Variants in DCN observed in about 807,000 individuals in gnomAD.
The protein encoded by DCN is decorin, also known as bone proteoglycan II.
DCN carries 17 observed loss-of-function variants against 36.5 expected under a neutral mutation model. The observed-to-expected ratio is 0.47, with a 90% CI of 0.32 to 0.70. DCN has a LOEUF of 0.70. Among genes scored for constraint, DCN ranks in the 30% least tolerant of loss-of-function variants. The pLI is 0.04. For missense variants in DCN, 389 were observed against 430.1 expected, an observed-to-expected ratio of 0.90 and a Z score of 0.84; for synonymous variants, 163 against 161.4, an observed-to-expected ratio of 1.01 and a Z score of -0.07.
chr12:91,178,639 G>T, intron 1 of DCN, 54 bp from the exon 2 acceptor site: 1 of 1,074,418 alleles, frequency 9.3e-7, no homozygotes, highest in Non-Finnish European at 1.4e-6. Flanking sequence ...TCTGTGTGTC[G>T]TTTCTTATAT....
At chr12:91,146,859 C>T (rs1881060751) in intron 7 of DCN, among the ~76,000 whole-genome samples, 1 of 152,206 alleles carries the variant, frequency 6.6e-6, no homozygotes, top group Admixed American at 6.5e-5. Context: ...ACAAATCTTG[C>T]TAGCTCAGCC....
intron 3 of DCN, among the ~76,000 whole-genome samples, chr12:91,161,943 A>ATT (rs34042357): frequency 0.017 from 2,392 of 143,022 alleles, 66 homozygotes; most frequent in African/African-American, 0.055. Context: ...TTATCTACCA[A>ATT]TTTTTTTTTT....
chr12:91,162,619 A>G (rs1413491129), intron 3 of DCN, among the ~76,000 whole-genome samples: 1 of 152,240 alleles, frequency 6.6e-6, no homozygotes, highest in Non-Finnish European at 1.5e-5. Context: ...CCCAACATTA[A>G]GAATGTATTC....
chr12:91,167,130 T>C (rs1240061760), intron 2 of DCN, among the ~76,000 whole-genome samples: 2 of 152,162 alleles, frequency 1.3e-5, no homozygotes, highest in Non-Finnish European at 2.9e-5. Context: ...GACTTTTTTT[T>C]CTGGCATACC....
At chr12:91,151,267 A>T in intron 7 of DCN, 1 of 229,002 alleles carries the variant, frequency 4.4e-6, no homozygotes, top group Admixed American at 5.3e-5. Flanking sequence ...AGACCAAAGA[A>T]GCTCTTTCCA....
chr12:91,155,199 T>C (rs906073888), intron 5 of DCN, among the ~76,000 whole-genome samples: 1 of 152,288 alleles, frequency 6.6e-6, no homozygotes, highest in Admixed American at 6.5e-5. Flanking sequence ...TCTCTGCCGC[T>C]TCCTAGCTCT....
Position 91,145,294 on chromosome 12 carries a change from T to C in DCN, c.*764A>G, listed in dbSNP as rs984511373. The C allele has an allele frequency of 1.3e-5, 2 of 152,220 alleles. No homozygotes were observed. The highest frequency in any genetic ancestry group is 4.8e-5 in the African/African-American group (2 of 41,456). The allele number at this position is 152,220 out of a possible 1,614,324, so 9.4% of individuals were successfully genotyped here. A position where few individuals can be genotyped will look rare whatever the true frequency, so the allele number is the denominator to read the frequency against. On this transcript the variant is annotated 3_prime_UTR_variant, in exon 8 of 8. Coordinates refer to ENST00000052754, the MANE Select transcript of DCN (RefSeq NM_001920.5). ...TTTTAATATTTATTTAGCAGAGGGG[T>C]AAATTGAAACATCAGTTCTCTAGAC...
intron 3 of DCN, among the ~76,000 whole-genome samples, chr12:91,163,648 G>C (rs981735397): frequency 6.6e-6 from 1 of 152,140 alleles, no homozygotes; most frequent in African/African-American, 2.4e-5. Context: ...CATTATGATA[G>C]AGTAGAGAGA....
chr12:91,170,473 T>C (rs934138061), intron 2 of DCN, among the ~76,000 whole-genome samples: 4 of 152,210 alleles, frequency 2.6e-5, no homozygotes, highest in African/African-American at 9.7e-5. Flanking sequence ...CCCATGAAGT[T>C]CAGGGCCTTT....
chr12:91,166,663 G>A (rs758029130), intron 2 of DCN, among the ~76,000 whole-genome samples: 5 of 152,046 alleles, frequency 3.3e-5, no homozygotes, highest in Non-Finnish European at 5.9e-5. Context: ...AAATGTGTAG[G>A]GAAAGAATGA....
At chr12:91,169,378 C>CTAAAAAAAAAAAAAAAAAA (rs71097880) in intron 2 of DCN, among the ~76,000 whole-genome samples, 1 of 73,406 alleles carries the variant, frequency 1.4e-5, no homozygotes, top group African/African-American at 5.5e-5. Flanking sequence ...GAGATCCTGT[C>CTAAAAAAAAAAAAAAAAAA]AAAAAAAAAA....
In DCN at chr12:91,168,351, C is replaced by A. The variant is rs532471173; in HGVS notation, c.212-3634G>T. Among the ~76,000 whole-genome samples the A allele has an allele frequency of 6.5e-4, 99 of 152,184 alleles. 1 individual carries two copies. Among genetic ancestry groups the A allele is most frequent in the Non-Finnish European group, 9.1e-4 (62 of 68,026 alleles). ...TCCTCTGTAATATTCATGCTGACCA[C>A]CCCTGTATAACAGTAATCTTGCACC... On this transcript the variant is annotated intron_variant, in intron 2 of 7. Transcript: ENST00000052754.
At chr12:91,167,816 A>G (rs1392338326) in intron 2 of DCN, among the ~76,000 whole-genome samples, 1 of 152,020 alleles carries the variant, frequency 6.6e-6, no homozygotes, top group Non-Finnish European at 1.5e-5. Flanking sequence ...TCACTCCAGA[A>G]CTATGTTTTT....
chr12:91,153,258 AAAG>A, intron 5 of DCN, 69 bp from the exon 6 acceptor site: 1 of 883,482 alleles, frequency 1.1e-6, no homozygotes, highest in Non-Finnish European at 1.9e-6. Flanking sequence ...GGACAAACTT[AAAG>A]AAGACATATG....
Position 91,146,483 on chromosome 12 carries a change from AG to A in DCN, c.886-232del, listed in dbSNP as rs1403782666. The stretch of plus-strand genomic sequence containing the variant: ...GCTATTCTCCTGCCTCAGCCTACTG[AG>A]TAGCCGGGACTACAGGCACACACAC... On this transcript the variant is annotated intron_variant, in intron 7 of 7. Coordinates refer to ENST00000052754, the MANE Select transcript of DCN (RefSeq NM_001920.5). 2.7e-5 allele frequency among the ~76,000 whole-genome samples: 4 copies of A among 149,660 alleles called. No homozygotes were observed. In the East Asian group the frequency reaches 6.0e-4, roughly 22 times the overall value.
intron 5 of DCN, among the ~76,000 whole-genome samples, chr12:91,154,916 C>T (rs1881663538): frequency 6.6e-6 from 1 of 152,040 alleles, no homozygotes; most frequent in Non-Finnish European, 1.5e-5. Flanking sequence ...CACAGTACAA[C>T]TAAATGACTG....
At chr12:91,158,048 G>A (rs1353340760) in intron 4 of DCN, among the ~76,000 whole-genome samples, 1 of 152,168 alleles carries the variant, frequency 6.6e-6, no homozygotes, top group Non-Finnish European at 1.5e-5. Context: ...TGCATATTGT[G>A]TGTGTGGTAG....
rs2121320460 is a variant in DCN at position 91,177,215 on chromosome 12, A to G, written c.211+1127T>C. 2.2e-5 allele frequency: 5 copies of G among 230,544 alleles called. No individual in the cohort carries two copies. In the South Asian group the frequency reaches 3.5e-4, roughly 16 times the overall value. The allele number at this position is 230,544 out of a possible 1,614,324, so 14.3% of individuals were successfully genotyped here. Reference sequence around the variant, plus strand: ...TTTGGGTTTTAAATAGCTATACAATATATGTGTTGAAGAAGCTATTTCAAG... The same window carrying G: ...TTTGGGTTTTAAATAGCTATACAATGTATGTGTTGAAGAAGCTATTTCAAG... On this transcript the variant is annotated intron_variant, in intron 2 of 7. Coordinates refer to ENST00000052754, the MANE Select transcript of DCN (RefSeq NM_001920.5).
chr12:91,163,448 G>T (rs1197087977), intron 3 of DCN, among the ~76,000 whole-genome samples: 1 of 152,116 alleles, frequency 6.6e-6, no homozygotes. Flanking sequence ...TTAAGAGGTG[G>T]AACTACCCAG....
Sources: gnomAD v4.1 joint callset for allele counts (sites outside exome capture counted in the v4.1 genomes callset) on GRCh38, gnomAD v4.1.1 for gene constraint, MANE v1.5 for transcripts, NCBI Gene and HGNC (gene_info 2026-07-23, HGNC 2026-07-21) for gene names.